Variants in SSBP2 observed in about 807,000 individuals in gnomAD.
SSBP2 encodes single stranded DNA binding protein 2, also known as single-stranded DNA-binding protein 2.
In SSBP2, 17 loss-of-function variants were observed where a neutral mutation model predicts 61.8. The observed-to-expected ratio is 0.28, with a 90% CI of 0.19 to 0.41. SSBP2 has a LOEUF of 0.41. Ranked by LOEUF, SSBP2 falls within the 10% of genes least tolerant of loss-of-function variation. The pLI is 1.00. For synonymous variants in SSBP2, 139 were observed against 141.3 expected, an observed-to-expected ratio of 0.98 and a Z score of 0.12; for missense variants, 310 against 458.7, an observed-to-expected ratio of 0.68 and a Z score of 2.96.
At chr5:81,465,391 T>C (rs1018312521) in intron 9 of SSBP2, among the ~76,000 whole-genome samples, 4 of 151,984 alleles carry the variant, frequency 2.6e-5, no homozygotes, top group Non-Finnish European at 4.4e-5. Context: ...TGCATGCACA[T>C]GTATATGCTT....
intron 4 of SSBP2, among the ~76,000 whole-genome samples, chr5:81,571,766 C>T (rs1404906429): frequency 6.6e-6 from 1 of 151,992 alleles, no homozygotes; most frequent in Non-Finnish European, 1.5e-5. Flanking sequence ...GGCAGAAAGT[C>T]CTGAAGGTAA....
chr5:81,710,380 G>A (rs1754690319), intron 1 of SSBP2, among the ~76,000 whole-genome samples: 1 of 152,026 alleles, frequency 6.6e-6, no homozygotes. Flanking sequence ...CCCAAAGAAA[G>A]AATCTTGTGA....
In SSBP2 at chr5:81,413,817, T is replaced by A. The variant is rs548359553; in HGVS notation, c.*6687A>T. On this transcript the variant is annotated 3_prime_UTR_variant, in exon 17 of 17. Coordinates refer to ENST00000320672, the MANE Select transcript of SSBP2 (RefSeq NM_012446.5). ...GTCAAATTATGGTAACTGTACAGAT[T>A]ATTTGAATTGTTTTTTAATAAGTAG... 7.2e-5 allele frequency: 11 copies of A among 152,170 alleles called. No individual in the cohort carries two copies. Among genetic ancestry groups the A allele is most frequent in the Non-Finnish European group, 1.5e-4 (10 of 68,000 alleles). The allele number at this position is 152,170 out of a possible 1,614,324, so 9.4% of individuals were successfully genotyped here.
intron 9 of SSBP2, 21 bp downstream of exon 9, chr5:81,466,953 A>G (rs750891569): frequency 8.3e-6 from 12 of 1,444,196 alleles, no homozygotes; most frequent in Non-Finnish European, 4.8e-6. Flanking sequence ...ATAATGTAGT[A>G]TATGATATAA....
At chr5:81,596,974 C>A (rs374744162) in intron 4 of SSBP2, among the ~76,000 whole-genome samples, 6 of 151,276 alleles carry the variant, frequency 4.0e-5, no homozygotes, top group Non-Finnish European at 7.4e-5. Flanking sequence ...GCAACAAAAG[C>A]CAAAATTGAC....
rs1761236339 is a variant in SSBP2, at chr5:81,414,478, A to T, written c.*6026T>A. On this transcript the variant is annotated 3_prime_UTR_variant, in exon 17 of 17. Coordinates refer to ENST00000320672, the MANE Select transcript of SSBP2 (RefSeq NM_012446.5). The stretch of plus-strand genomic sequence containing the variant: ...TAAACAGGTCTCAGGTGTCTTTTTC[A>T]TGGGTAGGTCACCTTATCAATCTGA... 2 of 152,184 alleles carry T rather than the reference A, an allele frequency of 1.3e-5. No individual in the cohort carries two copies. The highest frequency in any genetic ancestry group is 2.4e-5 in the African/African-American group (1 of 41,454). 9.4% of individuals were successfully genotyped at this position (152,184 alleles called of 1,614,324 possible).
At chr5:81,720,533 A>C (rs949917322) in intron 1 of SSBP2, among the ~76,000 whole-genome samples, 5 of 152,244 alleles carry the variant, frequency 3.3e-5, no homozygotes, top group African/African-American at 9.6e-5. Context: ...GCTTCTGTTT[A>C]AATGTTTGCA....
intron 1 of SSBP2, among the ~76,000 whole-genome samples, chr5:81,666,828 G>C (rs981732325): frequency 6.6e-6 from 1 of 152,102 alleles, no homozygotes; most frequent in Admixed American, 6.6e-5. Context: ...CTTTCTGTCT[G>C]TGTTATCCTC....
intron 5 of SSBP2, among the ~76,000 whole-genome samples, chr5:81,497,254 C>T (rs935481977): frequency 4.6e-5 from 7 of 151,884 alleles, no homozygotes; most frequent in Non-Finnish European, 7.4e-5. Context: ...TAAATGGGTA[C>T]GGTATTAATT....
At chr5:81,433,592 T>TAAAAAAAAAAAAAAAA (rs532034844) in intron 15 of SSBP2, among the ~76,000 whole-genome samples, 1 of 104,032 alleles carries the variant, frequency 9.6e-6, no homozygotes, top group Non-Finnish European at 2.2e-5. Context: ...GAATGATCAA[T>TAAAAAAAAAAAAAAAA]AAAAAAAAAA....
At position 81,501,756 on chromosome 5, in the gene SSBP2, C is replaced by T. The variant is rs1447497550; in HGVS notation, c.372+11872G>A. On this transcript the variant is annotated intron_variant, in intron 5 of 16. Coordinates refer to ENST00000320672, the MANE Select transcript of SSBP2 (RefSeq NM_012446.5). ...TTTGTTTTTGTATTTTTAGTAGAGA[C>T]GGGGTTTCACCATGTTAGCCAGGAT... is the stretch of plus-strand genomic sequence containing the variant. Among the ~76,000 whole-genome samples the T allele has an allele frequency of 6.6e-5, 10 of 151,662 alleles. No homozygotes were observed. The East Asian group carries it at 1.2e-3, about 18-fold the overall frequency.
At chr5:81,737,964 C>T (rs1023319655) in intron 1 of SSBP2, among the ~76,000 whole-genome samples, 2 of 152,100 alleles carry the variant, frequency 1.3e-5, no homozygotes, top group African/African-American at 2.4e-5. Context: ...CAATTTCAAA[C>T]TCTCATTCCA....
At chr5:81,606,413 C>T (rs1461193226) in intron 4 of SSBP2, among the ~76,000 whole-genome samples, 1 of 151,964 alleles carries the variant, frequency 6.6e-6, no homozygotes, top group Non-Finnish European at 1.5e-5. Context: ...CCAAGGAAAC[C>T]ACAAGTTCTA....
At chr5:81,515,427 T>C (rs944882163) in intron 4 of SSBP2, among the ~76,000 whole-genome samples, 5 of 151,994 alleles carry the variant, frequency 3.3e-5, no homozygotes, top group Non-Finnish European at 7.4e-5. Context: ...TACTTTCAAA[T>C]GTATACTGTA....
chr5:81,459,760 G>A (rs913267064), intron 10 of SSBP2, among the ~76,000 whole-genome samples: 1 of 152,182 alleles, frequency 6.6e-6, no homozygotes, highest in African/African-American at 2.4e-5. Context: ...GAATGAATTG[G>A]TTAGGTCAAA....
rs1761519560 is a variant in SSBP2 at position 81,420,328 on chromosome 5, C to T, written c.*176G>A. The T allele has an allele frequency of 4.8e-6, 3 of 630,318 alleles. No homozygotes were observed. The highest frequency in any genetic ancestry group is 5.7e-5 in the Admixed American group (2 of 34,922). 39.0% of individuals were successfully genotyped at this position (630,318 alleles called of 1,614,324 possible). ...TGCCACTCCGTACAGTTGTTTGAATCACATTTGGACCCGCTTTCTTCACAA... is the reference window on the plus strand; with the variant it reads ...TGCCACTCCGTACAGTTGTTTGAATTACATTTGGACCCGCTTTCTTCACAA... On this transcript the variant is annotated 3_prime_UTR_variant, in exon 17 of 17. Transcript: ENST00000320672.
chr5:81,478,373 C>A (rs1039927259), intron 6 of SSBP2, among the ~76,000 whole-genome samples: 7 of 151,954 alleles, frequency 4.6e-5, no homozygotes, highest in African/African-American at 1.7e-4. Flanking sequence ...CAGAGTCTTA[C>A]TCTATCACCC....
chr5:81,611,726 TATG>T (rs1745465067), intron 4 of SSBP2, among the ~76,000 whole-genome samples: 1 of 152,122 alleles, frequency 6.6e-6, no homozygotes, highest in Admixed American at 6.5e-5. Flanking sequence ...GAAGGGTGCT[TATG>T]ATGTTTAAAA....
intron 4 of SSBP2, among the ~76,000 whole-genome samples, chr5:81,586,878 C>T (rs566921674): frequency 6.6e-6 from 1 of 152,024 alleles, no homozygotes; most frequent in African/African-American, 2.4e-5. Context: ...AGGGTGCCTA[C>T]ATGATCAGCC....
Sources: allele counts gnomAD v4.1 joint callset (sites outside exome capture counted in the v4.1 genomes callset), GRCh38; gene constraint gnomAD v4.1.1; transcripts MANE v1.5; gene names NCBI Gene and HGNC (gene_info 2026-07-23, HGNC 2026-07-21).